Variants in TNFAIP6 observed in about 807,000 individuals in gnomAD.
TNFAIP6 encodes the protein tumor necrosis factor-inducible gene 6 protein.
In TNFAIP6, 36 loss-of-function variants were observed where a neutral mutation model predicts 33.7. The ratio of observed to expected loss-of-function variants is 1.07; its 90% CI spans 0.82 to 1.41. TNFAIP6 has a LOEUF of 1.41. Ranked by LOEUF, TNFAIP6 falls within the 40% of genes most tolerant of loss-of-function variation. The pLI, the probability that TNFAIP6 is intolerant of heterozygous loss-of-function variation, is 0.00. For missense variants in TNFAIP6, 273 were observed against 331.9 expected, an observed-to-expected ratio of 0.82 and a Z score of 1.38; for synonymous variants, 113 against 112.8, an observed-to-expected ratio of 1.00 and a Z score of -0.01.
At chr2:151,365,961 A>T in intron 2 of TNFAIP6, 95 bp from the exon 3 acceptor site, 1 of 1,232,886 alleles carries the variant, frequency 8.1e-7, no homozygotes. Flanking sequence ...CCAGTTAAGA[A>T]ACTTACTATT....
chr2:151,373,622 T>C, intron 5 of TNFAIP6, 33 bp downstream of exon 5: 1 of 1,378,422 alleles, frequency 7.3e-7, no homozygotes, highest in Non-Finnish European at 9.9e-7. Flanking sequence ...AAAACTATGA[T>C]TTGTTTCTTT....
At chr2:151,367,241 A>T (rs985069029) in intron 3 of TNFAIP6, among the ~76,000 whole-genome samples, 6 of 152,202 alleles carry the variant, frequency 3.9e-5, no homozygotes, top group Non-Finnish European at 8.8e-5. Flanking sequence ...AGCTACAACT[A>T]GTCTTAACTG....
At chr2:151,357,912 C>CTTTT in intron 1 of TNFAIP6, 152 bp downstream of exon 1, 1 of 364,874 alleles carries the variant, frequency 2.7e-6, no homozygotes, top group Non-Finnish European at 5.0e-6. Context: ...AATACATACG[C>CTTTT]TTTTTTTTTT....
chr2:151,372,502 A>G (rs1339230507), intron 4 of TNFAIP6, among the ~76,000 whole-genome samples: 1 of 152,206 alleles, frequency 6.6e-6, no homozygotes, highest in Non-Finnish European at 1.5e-5. Context: ...TTTTACACCT[A>G]TAAGGTCCAA....
At position 151,379,759 on chromosome 2, in the gene TNFAIP6, T is replaced by G; in HGVS notation, c.*226T>G. 3.2e-6 allele frequency: 1 copy of G among 308,208 alleles called. No individual in the cohort carries two copies. Among genetic ancestry groups the G allele is most frequent in the Non-Finnish European group, 5.8e-6 (1 of 172,766 alleles). 19.1% of individuals were successfully genotyped at this position (308,208 alleles called of 1,614,324 possible). Reference sequence around the variant, plus strand: ...CAAGCGTTAACATTTTCATATTTTTTTCTTTCAGTCATTTTTCTATTTGTG... The same window carrying G: ...CAAGCGTTAACATTTTCATATTTTTGTCTTTCAGTCATTTTTCTATTTGTG... On this transcript the variant is annotated 3_prime_UTR_variant, in exon 6 of 6. Transcript: ENST00000243347.
chr2:151,372,562 A>G (rs1056697934), intron 4 of TNFAIP6, among the ~76,000 whole-genome samples: 3 of 152,190 alleles, frequency 2.0e-5, no homozygotes, highest in African/African-American at 7.2e-5. Flanking sequence ...CAAAATATTA[A>G]TATCACCAAG....
intron 4 of TNFAIP6, among the ~76,000 whole-genome samples, chr2:151,371,690 G>T (rs1684818500): frequency 6.6e-6 from 1 of 151,158 alleles, no homozygotes; most frequent in Admixed American, 6.6e-5. Context: ...TGCCTCCCAT[G>T]TTCCAGCAAT....
intron 4 of TNFAIP6, among the ~76,000 whole-genome samples, chr2:151,371,024 C>G (rs10193875): frequency 6.6e-6 from 1 of 151,522 alleles, no homozygotes; most frequent in African/African-American, 2.4e-5. Context: ...TGAGCCAAGA[C>G]TGCACCACTG....
At chr2:151,361,235 C>T (rs978509082) in intron 1 of TNFAIP6, among the ~76,000 whole-genome samples, 4 of 151,950 alleles carry the variant, frequency 2.6e-5, no homozygotes, top group East Asian at 1.9e-4. Flanking sequence ...CCACCACACC[C>T]GGCTAATCTT....
chr2:151,358,112 G>A (rs1684566051), intron 1 of TNFAIP6, among the ~76,000 whole-genome samples: 2 of 152,088 alleles, frequency 1.3e-5, no homozygotes, highest in Admixed American at 1.3e-4. Context: ...CTGTTTTTAT[G>A]TCAATGCATT....
intron 1 of TNFAIP6, 28 bp downstream of exon 1, chr2:151,357,788 G>T: frequency 7.4e-7 from 1 of 1,352,274 alleles, no homozygotes; most frequent in Non-Finnish European, 1.1e-6. Context: ...TGAGCCTCTT[G>T]TTGAGAATGT....
chr2:151,376,875 T>G (rs1047574839), intron 5 of TNFAIP6, among the ~76,000 whole-genome samples: 22 of 149,396 alleles, frequency 1.5e-4, no homozygotes, highest in African/African-American at 4.2e-4. Context: ...CTTTTTTTTT[T>G]TTTTTTTTTT....
chr2:151,379,213 C>T (rs1460133932), intron 5 of TNFAIP6, 151 bp from the exon 6 acceptor site: 2 of 683,942 alleles, frequency 2.9e-6, no homozygotes, highest in East Asian at 3.1e-5. Flanking sequence ...AATGAAACCA[C>T]AGACTCTTCA....
chr2:151,378,738 C>T (rs1484807384), intron 5 of TNFAIP6, among the ~76,000 whole-genome samples: 10 of 151,854 alleles, frequency 6.6e-5, no homozygotes, highest in African/African-American at 2.2e-4. Context: ...ATCTGCCCAC[C>T]TCGACCTCCC....
At chr2:151,365,982 A>G (rs1352188065) in intron 2 of TNFAIP6, 74 bp from the exon 3 acceptor site, 5 of 1,449,128 alleles carry the variant, frequency 3.5e-6, no homozygotes, top group African/African-American at 2.8e-5. Context: ...GGAAGTGGCT[A>G]TCTTTGCTAA....
intron 1 of TNFAIP6, among the ~76,000 whole-genome samples, chr2:151,361,503 CTT>C (rs1320733070): frequency 6.6e-6 from 1 of 152,076 alleles, no homozygotes. Flanking sequence ...AAATACAGGT[CTT>C]TTAATCTGTA....
At chr2:151,359,635 A>G (rs187325626) in intron 1 of TNFAIP6, among the ~76,000 whole-genome samples, 142 of 152,230 alleles carry the variant, frequency 9.3e-4, no homozygotes, top group African/African-American at 3.2e-3. Flanking sequence ...TGATCCGCCC[A>G]CCTTGGCCTC....
At chr2:151,364,312 A>G (rs921019085) in intron 2 of TNFAIP6, among the ~76,000 whole-genome samples, 1 of 152,194 alleles carries the variant, frequency 6.6e-6, no homozygotes, top group Non-Finnish European at 1.5e-5. Flanking sequence ...ATAAAATACA[A>G]GTCAAAAGAA....
In TNFAIP6 at chr2:151,363,946, G is replaced by C; in HGVS notation, c.98G>C (p.Arg33Pro). 6.2e-7 allele frequency: 1 copy of C among 1,611,674 alleles called. No homozygotes were observed. Among genetic ancestry groups the C allele is most frequent in the East Asian group, 2.2e-5 (1 of 44,830 alleles). ...ATGACATCATCTGATTTTGCAGAAC[G>C]AGCAGCCGGTGTGTACCACAGAGAA... ...GIFHNSIWLE[R>P]AAGVYHREAR... The change falls in exon 2 of 6, where the codon CGA (arginine) becomes CCA (proline). Residue 33 changes from arginine to proline, a missense_variant. Arg to Pro is a moderately radical substitution (Grantham distance 103, BLOSUM62 -2). Transcript: ENST00000243347.
Sources: allele counts gnomAD v4.1 joint callset (sites outside exome capture counted in the v4.1 genomes callset), GRCh38; gene constraint gnomAD v4.1.1; transcripts MANE v1.5; gene names NCBI Gene and HGNC (gene_info 2026-07-23, HGNC 2026-07-21).